SFMBT2: variants seen among roughly 807,000 people sequenced by gnomAD.
SFMBT2 encodes Scm like with four mbt domains 2.
A neutral mutation model predicts 110.1 loss-of-function variants in SFMBT2; 38 were observed. The ratio of observed to expected loss-of-function variants is 0.35; its 90% confidence interval spans 0.27 to 0.45. SFMBT2 has a LOEUF of 0.45. Ranked by LOEUF, SFMBT2 falls within the 20% of genes least tolerant of loss-of-function variation. The pLI, the probability that SFMBT2 is intolerant of heterozygous loss-of-function variation, is 1.00. For synonymous variants in SFMBT2, 425 were observed against 425.4 expected, an observed-to-expected ratio of 1.00 and a Z score of 0.01; for missense variants, 1,011 against 1,094.9, an observed-to-expected ratio of 0.92 and a Z score of 1.08.
At chr10:7,371,867 C>T (rs987417905) in intron 2 of SFMBT2, among the ~76,000 whole-genome samples, 3 of 150,336 alleles carry the variant, frequency 2.0e-5, no homozygotes, top group African/African-American at 7.3e-5. Context: ...GGACATGGGG[C>T]CAAATAAGAA....
At chr10:7,224,926 T>C (rs1424743985) in intron 10 of SFMBT2, among the ~76,000 whole-genome samples, 1 of 152,208 alleles carries the variant, frequency 6.6e-6, no homozygotes, top group Non-Finnish European at 1.5e-5. Context: ...AAACTTAATT[T>C]GAAAAATATA....
At chr10:7,271,903 C>T (rs1253337011) in intron 7 of SFMBT2, among the ~76,000 whole-genome samples, 1 of 152,154 alleles carries the variant, frequency 6.6e-6, no homozygotes, top group African/African-American at 2.4e-5. Flanking sequence ...AAGACCCACC[C>T]CCATGATTCA....
At chr10:7,277,322 C>T (rs1279861472) in intron 6 of SFMBT2, 2 of 209,690 alleles carry the variant, frequency 9.5e-6, no homozygotes, top group Non-Finnish European at 1.7e-5. Context: ...GGCCAAAATT[C>T]CACCTATCAC....
intron 7 of SFMBT2, among the ~76,000 whole-genome samples, chr10:7,276,188 C>T (rs570758753): frequency 2.9e-4 from 44 of 152,156 alleles, no homozygotes; most frequent in Non-Finnish European, 5.7e-4. Flanking sequence ...CACGGGAGCA[C>T]CTGGTGGAAG....
At chr10:7,289,220 C>T (rs1031692556) in intron 4 of SFMBT2, among the ~76,000 whole-genome samples, 3 of 152,116 alleles carry the variant, frequency 2.0e-5, no homozygotes, top group Non-Finnish European at 2.9e-5. Context: ...ATTTCCTATC[C>T]CATTACAAAA....
chr10:7,214,528 C>T (rs1839466485), intron 11 of SFMBT2: 4 of 977,964 alleles, frequency 4.1e-6, no homozygotes, highest in African/African-American at 3.5e-5. Flanking sequence ...GCTATCACTG[C>T]TTCTTGTGTT....
intron 4 of SFMBT2, among the ~76,000 whole-genome samples, chr10:7,335,730 C>A (rs576126189): frequency 1.8e-4 from 27 of 152,232 alleles, no homozygotes; most frequent in African/African-American, 6.3e-4. Flanking sequence ...AAAATCCAAT[C>A]CACATCAGAA....
chr10:7,319,972 CAGAG>C (rs776023435), intron 4 of SFMBT2, among the ~76,000 whole-genome samples: 28 of 140,948 alleles, frequency 2.0e-4, no homozygotes, highest in South Asian at 7.1e-4. Flanking sequence ...GAGATGAAGA[CAGAG>C]AGACACAGAG....
At chr10:7,384,101 C>A (rs915787741) in intron 1 of SFMBT2, among the ~76,000 whole-genome samples, 29 of 149,802 alleles carry the variant, frequency 1.9e-4, no homozygotes, top group Non-Finnish European at 3.5e-4. Context: ...ATCCCAGCTA[C>A]TCGGGAAGCT....
At chr10:7,274,631 A>G (rs966846582) in intron 7 of SFMBT2, among the ~76,000 whole-genome samples, 1 of 152,190 alleles carries the variant, frequency 6.6e-6, no homozygotes, top group African/African-American at 2.4e-5. Context: ...CTGTGAGTCA[A>G]TTAAACCTCT....
intron 6 of SFMBT2, among the ~76,000 whole-genome samples, chr10:7,281,415 T>A (rs972501160): frequency 2.0e-5 from 3 of 151,910 alleles, no homozygotes. Flanking sequence ...TCCCCATCGG[T>A]CATGGAAGCA....
At chr10:7,247,405 CTG>C (rs1840654200) in intron 8 of SFMBT2, among the ~76,000 whole-genome samples, 1 of 152,200 alleles carries the variant, frequency 6.6e-6, no homozygotes, top group Admixed American at 6.5e-5. Flanking sequence ...GCATGAGTCA[CTG>C]TGCCCAGCTC....
intron 2 of SFMBT2, among the ~76,000 whole-genome samples, chr10:7,380,728 AT>A (rs1184953469): frequency 6.6e-6 from 1 of 152,132 alleles, no homozygotes; most frequent in Non-Finnish European, 1.5e-5. Context: ...ACATTTATGC[AT>A]TTATAACTTC....
At chr10:7,410,537 G>C (rs988451437) in intron 1 of SFMBT2, among the ~76,000 whole-genome samples, 87 of 152,262 alleles carry the variant, frequency 5.7e-4, no homozygotes, top group African/African-American at 2.0e-3. Context: ...CGCACGGCTC[G>C]GCTTTTCCGA....
intron 4 of SFMBT2, among the ~76,000 whole-genome samples, chr10:7,299,296 G>A (rs537366469): frequency 4.6e-5 from 7 of 152,178 alleles, no homozygotes; most frequent in African/African-American, 1.7e-4. Flanking sequence ...AGAGTAAAGA[G>A]GCAACCTACA....
At chr10:7,273,452 AC>A (rs1171098632) in intron 7 of SFMBT2, among the ~76,000 whole-genome samples, 17 of 151,748 alleles carry the variant, frequency 1.1e-4, no homozygotes, top group Non-Finnish European at 2.5e-4. Context: ...GAACCAACCA[AC>A]CCCCGCCCAC....
chr10:7,227,803 G>C (rs2762579), intron 10 of SFMBT2, 52 bp downstream of exon 10: 41 of 1,508,768 alleles, frequency 2.7e-5, no homozygotes, highest in Non-Finnish European at 3.8e-5. Flanking sequence ...TAAAACTTAC[G>C]GTAGACAAAA....
intron 2 of SFMBT2, among the ~76,000 whole-genome samples, chr10:7,371,158 C>G (rs143683858): frequency 1.3e-3 from 192 of 152,288 alleles, no homozygotes; most frequent in African/African-American, 4.5e-3. Context: ...GAGTCTTGCT[C>G]TGTCACCCAG....
rs188699086 is a variant in SFMBT2 at position 7,346,905 on chromosome 10, G to T, written c.436+20744C>A. Reference sequence around the variant, plus strand: ...GGAGGCTGAGTGAGGCAGGAGAATTGCTTGAACCCAGGAGGTGGAGGTTAC... The same window carrying T: ...GGAGGCTGAGTGAGGCAGGAGAATTTCTTGAACCCAGGAGGTGGAGGTTAC... On this transcript the variant is annotated intron_variant, in intron 4 of 20. Transcript: ENST00000397167. Among the ~76,000 whole-genome samples, 501 of 152,066 alleles carry T rather than the reference G, an allele frequency of 3.3e-3. 6 individuals carry two copies. Among genetic ancestry groups the T allele is most frequent in the Admixed American group, 0.026 (404 of 15,254 alleles).
Sources: allele counts gnomAD v4.1 joint callset (sites outside exome capture counted in the v4.1 genomes callset), GRCh38; gene constraint gnomAD v4.1.1; transcripts MANE v1.5; gene names NCBI Gene and HGNC (gene_info 2026-07-23, HGNC 2026-07-21).